Variants in KDM6A observed in about 807,000 individuals in gnomAD.
KDM6A encodes the protein lysine demethylase 6A, also known as lysine-specific demethylase 6A.
KDM6A carries 11 observed loss-of-function variants against 117.6 expected under a neutral mutation model. The observed-to-expected ratio is 0.09, with a 90% CI of 0.06 to 0.15. KDM6A has a LOEUF of 0.15. Among genes scored for constraint, KDM6A ranks in the 10% least tolerant of loss-of-function variants. The probability of loss-of-function intolerance (pLI) is 1.00; values close to 1 mark genes in which losing one functional copy is unlikely to be tolerated. For missense variants in KDM6A, 799 were observed against 1,077.3 expected (o/e 0.74, Z 3.62); for synonymous variants, 384 against 396.1 (o/e 0.97, Z 0.36).
At chrX:44,895,071 T>C (rs1476674449) in intron 2 of KDM6A, among the ~76,000 whole-genome samples, 1 of 94,670 alleles carries the variant, frequency 1.1e-5, no homozygotes, top group Non-Finnish European at 2.0e-5. Context: ...CCAGCAACTT[T>C]TATTTTATTT....
At chrX:45,009,573 C>T (rs780934804) in intron 4 of KDM6A, among the ~76,000 whole-genome samples, 10 of 111,808 alleles carry the variant, frequency 8.9e-5, no homozygotes, top group Admixed American at 4.7e-4. Context: ...CACAGTCTTA[C>T]GTTACCCAGC....
chrX:45,042,340 G>C (rs1205616781), intron 8 of KDM6A, among the ~76,000 whole-genome samples: 4 of 101,259 alleles, frequency 4.0e-5, no homozygotes, highest in Non-Finnish European at 5.9e-5. Flanking sequence ...TACTGATTCA[G>C]ATTAAACAAA....
intron 15 of KDM6A, 64 bp downstream of exon 15, chrX:45,061,483 ATTTTTTTTT>A (rs1161774144): frequency 9.0e-5 from 21 of 234,629 alleles, no homozygotes; most frequent in African/African-American, 7.1e-4. Flanking sequence ...ACAAGTATTA[ATTTTTTTTT>A]TTTTTTTTTT....
At chrX:44,967,458 T>G (rs2039089218) in intron 3 of KDM6A, among the ~76,000 whole-genome samples, 1 of 111,750 alleles carries the variant, frequency 8.9e-6, no homozygotes, top group South Asian at 3.7e-4. Context: ...ATTCTGTGAG[T>G]GAACTGCTCA....
intron 2 of KDM6A, among the ~76,000 whole-genome samples, chrX:44,958,604 CTTTTTTTT>C (rs34006049): frequency 1.8e-5 from 1 of 56,435 alleles, no homozygotes; most frequent in African/African-American, 1.0e-4. Context: ...CTATATAGAC[CTTTTTTTT>C]TTTTTTTTTT....
At chrX:45,074,502 A>T (rs779853375) in intron 18 of KDM6A, among the ~76,000 whole-genome samples, 4 of 112,026 alleles carry the variant, frequency 3.6e-5, no homozygotes, top group Non-Finnish European at 7.5e-5. Flanking sequence ...CCTTCAGGGA[A>T]ATTCCTATGT....
intron 2 of KDM6A, among the ~76,000 whole-genome samples, chrX:44,887,535 T>C (rs890523069): frequency 9.0e-6 from 1 of 111,239 alleles, no homozygotes; most frequent in Non-Finnish European, 1.9e-5. Context: ...CATAGTTTTG[T>C]GGTGTTCCGT....
intron 8 of KDM6A, among the ~76,000 whole-genome samples, chrX:45,042,252 GTGGA>G (rs1246298533): frequency 8.6e-5 from 6 of 69,541 alleles, no homozygotes; most frequent in African/African-American, 4.9e-4. Flanking sequence ...GAAGGAGACC[GTGGA>G]GGGAGAGGGG....
intron 8 of KDM6A, among the ~76,000 whole-genome samples, chrX:45,048,416 ATCTC>A (rs1435990564): frequency 3.6e-5 from 4 of 110,998 alleles, no homozygotes; most frequent in African/African-American, 1.3e-4. Context: ...AGCAACTGAA[ATCTC>A]TCTCTAGTTC....
chrX:44,940,967 G>A (rs758959833), intron 2 of KDM6A, among the ~76,000 whole-genome samples: 20 of 111,265 alleles, frequency 1.8e-4, no homozygotes, highest in African/African-American at 4.9e-4. Context: ...TCCAGGAGGC[G>A]GAGGTTGCGG....
chrX:45,091,962 C>T (rs777292354), intron 27 of KDM6A, among the ~76,000 whole-genome samples: 8 of 111,235 alleles, frequency 7.2e-5, no homozygotes, highest in Non-Finnish European at 1.5e-4. Context: ...TATTTTATGA[C>T]AGTCTTTTCT....
intron 2 of KDM6A, among the ~76,000 whole-genome samples, chrX:44,916,382 TGTTTGAGG>T (rs1230876783): frequency 9.0e-6 from 1 of 111,189 alleles, no homozygotes; most frequent in African/African-American, 3.3e-5. Flanking sequence ...TTCATAGTAA[TGTTTGAGG>T]GAAGAAAGAA....
chrX:45,063,841 G>A, intron 17 of KDM6A, 24 bp downstream of exon 17: 1 of 1,164,947 alleles, frequency 8.6e-7, no homozygotes, highest in Non-Finnish European at 1.2e-6. Flanking sequence ...TAGCTTCCTT[G>A]TTGGCTTTTC....
At chrX:45,084,142 A>G (rs1476195711) in intron 24 of KDM6A, among the ~76,000 whole-genome samples, 1 of 112,058 alleles carries the variant, frequency 8.9e-6, no homozygotes, top group African/African-American at 3.2e-5. Context: ...TACTAGACTC[A>G]TTCTAATAAC....
chrX:45,042,447 T>C (rs1028408136), intron 8 of KDM6A, among the ~76,000 whole-genome samples: 10 of 111,163 alleles, frequency 9.0e-5, no homozygotes, highest in African/African-American at 3.3e-4. Flanking sequence ...GATTATAATA[T>C]GGATTTTCAT....
At chrX:44,986,374 TGA>T in intron 4 of KDM6A, among the ~76,000 whole-genome samples, 1 of 111,729 alleles carries the variant, frequency 9.0e-6, no homozygotes, top group Admixed American at 9.5e-5. Context: ...CTGGATTCAT[TGA>T]TTTTTTTGAA....
chrX:44,886,981 C>T (rs2032949504), intron 2 of KDM6A, among the ~76,000 whole-genome samples: 1 of 103,586 alleles, frequency 9.7e-6, no homozygotes, highest in Non-Finnish European at 2.0e-5. Flanking sequence ...GTCCTCCAGG[C>T]TGCAGTGTAG....
chrX:44,911,395 C>T (rs750502659), intron 2 of KDM6A, among the ~76,000 whole-genome samples: 9 of 107,905 alleles, frequency 8.3e-5, no homozygotes, highest in East Asian at 6.0e-4. Flanking sequence ...GACAGGGTCG[C>T]GGCCGGGCAG....
At chrX:44,958,505 G>A (rs5952279) in intron 2 of KDM6A, among the ~76,000 whole-genome samples, 37,413 of 107,548 alleles carry the variant, frequency 0.35, 7,356 homozygotes, top group African/African-American at 0.74. Context: ...TTATAAGAAT[G>A]GAAATGATAG....
Sources: allele counts gnomAD v4.1 joint callset (sites outside exome capture counted in the v4.1 genomes callset), GRCh38; gene constraint gnomAD v4.1.1; transcripts MANE v1.5; gene names NCBI Gene and HGNC (gene_info 2026-07-23, HGNC 2026-07-21).